Variants in TGFBR2 observed in about 807,000 individuals in gnomAD.
TGFBR2 encodes the protein TGF-beta receptor type-2.
Under a neutral mutation model 49.0 loss-of-function variants are expected in TGFBR2, and 18 were observed. The ratio of observed to expected loss-of-function variants is 0.37; its 90% CI spans 0.25 to 0.54. The LOEUF (loss-of-function observed/expected upper bound fraction) is 0.54. TGFBR2 is among the 20% of genes least tolerant of loss of function. TGFBR2 has a pLI of 0.85. For synonymous variants in TGFBR2, 282 were observed against 275.9 expected (o/e 1.02, Z -0.22); for missense variants, 525 against 722.6 (o/e 0.73, Z 3.13).
chr3:30,671,836 T>C lies in TGFBR2; in HGVS notation c.653T>C (p.Ile218Thr). The C allele has an allele frequency of 6.2e-7, 1 of 1,614,186 alleles. No homozygotes were observed. The highest frequency in any genetic ancestry group is 8.5e-7 in the Non-Finnish European group (1 of 1,180,040). The change falls in exon 4 of 7, where the codon ATC (isoleucine) becomes ACC (threonine). Residue 218 changes from isoleucine to threonine, a missense_variant. Coordinates refer to ENST00000295754, the MANE Select transcript of TGFBR2 (RefSeq NM_003242.6). ...KLMEFSEHCAIILEDDRSDIS... is the reference protein window; with the variant it reads ...KLMEFSEHCATILEDDRSDIS... The stretch of plus-strand genomic sequence containing the variant: ...ATGGAGTTCAGCGAGCACTGTGCCA[T>C]CATCCTGGAAGATGACCGCTCTGAC...
At chr3:30,646,715 ACAC>A (rs1302828788) in intron 2 of TGFBR2, among the ~76,000 whole-genome samples, 1 of 152,134 alleles carries the variant, frequency 6.6e-6, no homozygotes, top group Non-Finnish European at 1.5e-5. Flanking sequence ...AAAGATTGAG[ACAC>A]CAGACTAGAT....
Position 30,636,913 on chromosome 3 carries a change from A to T in TGFBR2, c.95-7834A>T, listed in dbSNP as rs148679615. 2.6e-5 allele frequency among the ~76,000 whole-genome samples: 4 copies of T among 152,006 alleles called. No homozygotes were observed. In the East Asian group the frequency reaches 5.8e-4, roughly 22 times the overall value. ...CCCCGTCTCTACTAAAAATACAAAA[A>T]ATTAGCCAAGCGTGGTGTTGGGCAC... On this transcript the variant is annotated intron_variant, in intron 1 of 6. Coordinates refer to ENST00000295754, the MANE Select transcript of TGFBR2 (RefSeq NM_003242.6).
intron 3 of TGFBR2, among the ~76,000 whole-genome samples, chr3:30,656,323 G>A (rs550921113): frequency 6.6e-6 from 1 of 152,148 alleles, no homozygotes; most frequent in Non-Finnish European, 1.5e-5. Context: ...CACCTTTTCA[G>A]TAAGCATTTC....
At chr3:30,682,519 T>G (rs1031473833) in intron 5 of TGFBR2, among the ~76,000 whole-genome samples, 4 of 152,212 alleles carry the variant, frequency 2.6e-5, no homozygotes, top group African/African-American at 7.2e-5. Flanking sequence ...TTGCTTTTTA[T>G]GCAGTTCTTC....
chr3:30,687,940 A>G (rs1699652379), intron 5 of TGFBR2, among the ~76,000 whole-genome samples: 2 of 152,202 alleles, frequency 1.3e-5, no homozygotes, highest in South Asian at 2.1e-4. Context: ...CTCAATACCT[A>G]CATGAAATTT....
intron 5 of TGFBR2, among the ~76,000 whole-genome samples, chr3:30,685,134 A>G (rs1475165061): frequency 1.3e-5 from 2 of 152,198 alleles, no homozygotes; most frequent in South Asian, 4.1e-4. Context: ...GACCATGAGT[A>G]TAGGGATTGT....
intron 1 of TGFBR2, among the ~76,000 whole-genome samples, chr3:30,614,663 G>A (rs550353150): frequency 6.6e-6 from 1 of 152,286 alleles, no homozygotes; most frequent in African/African-American, 2.4e-5. Flanking sequence ...CACGGATCAT[G>A]CTGAGTACTT....
At chr3:30,664,199 G>T (rs545384634) in intron 3 of TGFBR2, among the ~76,000 whole-genome samples, 5 of 151,488 alleles carry the variant, frequency 3.3e-5, no homozygotes, top group Non-Finnish European at 5.9e-5. Context: ...GCCCAGGCTG[G>T]TGTCAAACTC....
intron 2 of TGFBR2, among the ~76,000 whole-genome samples, chr3:30,647,560 TTTCATTCA>T (rs139204908): frequency 4.6e-5 from 7 of 151,402 alleles, no homozygotes; most frequent in African/African-American, 7.3e-5. Flanking sequence ...TTTAGTGTTT[TTTCATTCA>T]TTCATTCATT....
chr3:30,607,780 G>GAA (rs1697949059), intron 1 of TGFBR2, among the ~76,000 whole-genome samples: 5 of 128,350 alleles, frequency 3.9e-5, no homozygotes, highest in African/African-American at 1.7e-4. Flanking sequence ...GGTTTTTAAG[G>GAA]AAAAAATAAA....
In TGFBR2 at chr3:30,692,717, A is replaced by G. The variant is rs1699737604; in HGVS notation, c.*1118A>G. ...TGATGAAGAGGATTTCAACTACACA[A>G]TACTATCATTGTCAGGACTATGACC... On this transcript the variant is annotated 3_prime_UTR_variant, in exon 7 of 7. Coordinates refer to ENST00000295754, the MANE Select transcript of TGFBR2 (RefSeq NM_003242.6). The G allele has an allele frequency of 4.3e-6, 1 of 232,964 alleles. No homozygotes were observed. Among genetic ancestry groups the G allele is most frequent in the Non-Finnish European group, 8.5e-6 (1 of 117,944 alleles). 14.4% of individuals were successfully genotyped at this position (232,964 alleles called of 1,614,324 possible).
At chr3:30,680,211 A>T (rs4955104) in intron 5 of TGFBR2, among the ~76,000 whole-genome samples, 122,037 of 151,062 alleles carry the variant, frequency 0.81, 49,491 homozygotes, top group African/African-American at 0.88. Context: ...TCCTGGCAGT[A>T]GATATGAAGC....
intron 1 of TGFBR2, among the ~76,000 whole-genome samples, chr3:30,623,740 A>G (rs1559449484): frequency 6.6e-6 from 1 of 152,198 alleles, no homozygotes; most frequent in Admixed American, 6.5e-5. Context: ...GAATACGGGC[A>G]TCTTTACATA....
At chr3:30,666,766 T>C (rs186181273) in intron 3 of TGFBR2, among the ~76,000 whole-genome samples, 1 of 150,878 alleles carries the variant, frequency 6.6e-6, no homozygotes, top group African/African-American at 2.4e-5. Context: ...TCAGCCACCG[T>C]AATAGCTGGG....
chr3:30,652,232 G>GTTTTTTTTTTTTTTTTTTTTTTTTTT (rs11386584), intron 3 of TGFBR2, among the ~76,000 whole-genome samples: 1 of 97,030 alleles, frequency 1.0e-5, no homozygotes, highest in Non-Finnish European at 1.9e-5. Context: ...TTTTCTGGTT[G>GTTTTTTTTTTTTTTTTTTTTTTTTTT]TTTTTTTTTT....
chr3:30,641,672 T>TA lies in TGFBR2; in HGVS notation c.95-3074dup, dbSNP rs142503136. 6.0e-3 allele frequency among the ~76,000 whole-genome samples: 920 copies of TA among 152,324 alleles called. 7 individuals are homozygous for TA. Among genetic ancestry groups the TA allele is most frequent in the African/African-American group, 0.021 (870 of 41,562 alleles). On this transcript the variant is annotated intron_variant, in intron 1 of 6. Transcript: ENST00000295754. Reference sequence around the variant, plus strand: ...TGGGTGCTCAGCATGTGCAAATTCTTATTGTACACTGCCCTTCCCACCATA... The same window carrying TA: ...TGGGTGCTCAGCATGTGCAAATTCTTAATTGTACACTGCCCTTCCCACCATA...
At chr3:30,645,696 G>C (rs1302404963) in intron 2 of TGFBR2, among the ~76,000 whole-genome samples, 1 of 151,990 alleles carries the variant, frequency 6.6e-6, no homozygotes, top group African/African-American at 2.4e-5. Flanking sequence ...ATGTTGGCCA[G>C]GCTGGTCTCG....
intron 4 of TGFBR2, among the ~76,000 whole-genome samples, chr3:30,673,089 A>T (rs918259068): frequency 1.3e-5 from 2 of 152,244 alleles, no homozygotes; most frequent in Non-Finnish European, 2.9e-5. Context: ...GAGTCCATGG[A>T]GAGCAGCACT....
At chr3:30,669,376 A>G (rs1699300580) in intron 3 of TGFBR2, among the ~76,000 whole-genome samples, 1 of 152,082 alleles carries the variant, frequency 6.6e-6, no homozygotes, top group Admixed American at 6.5e-5. Context: ...AACACACATG[A>G]GGAGTTTAGG....
Sources: allele counts gnomAD v4.1 joint callset (sites outside exome capture counted in the v4.1 genomes callset), GRCh38; gene constraint gnomAD v4.1.1; transcripts MANE v1.5; gene names NCBI Gene and HGNC (gene_info 2026-07-23, HGNC 2026-07-21).